Variants in NPIPB4 observed in about 807,000 individuals in gnomAD.
The protein encoded by NPIPB4 is nuclear pore complex-interacting protein family member B4.
For synonymous variants in NPIPB4, 31 were observed against 194.1 expected, an observed-to-expected ratio of 0.16 and a Z score of 6.99; for missense variants, 105 against 513.7, an observed-to-expected ratio of 0.20 and a Z score of 7.69.
chr16:21,851,241 G>C (rs1450469687), intron 2 of NPIPB4: 1 of 197,844 alleles, frequency 5.1e-6, no homozygotes, highest in Non-Finnish European at 8.6e-6. Flanking sequence ...ACGGGGACCG[G>C]GGCCGGATCT....
At chr16:21,850,359 G>T (rs1457196566) in intron 2 of NPIPB4, among the ~76,000 whole-genome samples, 2 of 149,610 alleles carry the variant, frequency 1.3e-5, no homozygotes, top group East Asian at 4.0e-4. Context: ...TACACTTAAG[G>T]TTATATATTT....
chr16:21,836,518 G>C lies in NPIPB4; in HGVS notation c.1869C>G (p.Phe623Leu), dbSNP rs1434290772. ...SADDNIKTPA[F>L]HPQRMIISRH... ...TTGAGATTATCATCCGCTGAGGGTG[G>C]AAGGCAGGTGTCTTGATGTTATCAT... Residue 623 changes from phenylalanine (F) to leucine (L), a missense_variant, in exon 8 of 8, where the codon TTC (phenylalanine) becomes TTG (leucine). Coordinates refer to ENST00000682606, the MANE Select transcript of NPIPB4 (RefSeq NM_001384980.1). 18 of 1,524,000 alleles carry C rather than the reference G, an allele frequency of 1.2e-5. No homozygotes were observed. The highest frequency in any genetic ancestry group is 1.9e-5 in the Admixed American group (1 of 51,840). The allele number at this position is 1,524,000 out of a possible 1,614,324, so 94.4% of individuals were successfully genotyped here.
chr16:21,836,326 C>G lies in NPIPB4; in HGVS notation c.2061G>C (p.Gln687His). The G allele has an allele frequency of 2.0e-6, 1 of 500,418 alleles. No homozygotes were observed. Among genetic ancestry groups the G allele is most frequent in the Non-Finnish European group, 3.4e-6 (1 of 292,038 alleles). The allele number at this position is 500,418 out of a possible 1,614,324, so 31.0% of individuals were successfully genotyped here. A position where few individuals can be genotyped will look rare whatever the true frequency, so the allele number is the denominator to read the frequency against. Residue 687 changes from glutamine (Q) to histidine (H), a missense_variant, in exon 8 of 8, where the codon CAG (glutamine) becomes CAC (histidine). Transcript: ENST00000682606. ...ATATTATCATCTGCTGAGGGTGGAG[C>G]TGAGGGTGGAAGGGGAGTGAGCTGA... The part of the protein sequence containing the change: ...PSVSSLPFHP[Q>H]LHPQQMIISR...
chr16:21,849,084 TAA>T (rs1327191912), intron 2 of NPIPB4, among the ~76,000 whole-genome samples: 2 of 33,542 alleles, frequency 6.0e-5, no homozygotes, highest in East Asian at 1.1e-3. Context: ...TCAGCATAAG[TAA>T]AAAAAAAAAA....
At chr16:21,846,156 CAGA>C (rs1401594802) in intron 3 of NPIPB4, among the ~76,000 whole-genome samples, 1 of 109,934 alleles carries the variant, frequency 9.1e-6, no homozygotes, top group Non-Finnish European at 1.8e-5. Flanking sequence ...GCCTGGGCAA[CAGA>C]AGGAGACTCG....
chr16:21,836,596 T>A lies in NPIPB4; in HGVS notation c.1791A>T (p.Thr597=). Residue 597 remains threonine (T), a synonymous_variant, in exon 8 of 8, where the codon ACA becomes ACT. Coordinates refer to ENST00000682606, the MANE Select transcript of NPIPB4 (RefSeq NM_001384980.1). ...GGGGAGTGAGCTGACGCTCGGAAGG[T>A]GTCTTGAGATTATCATCCGCTGAGG... ...LPPSADDNLK[T]PSERQLTPLP... The A allele has an allele frequency of 4.2e-6, 2 of 475,890 alleles. No homozygotes were observed. The highest frequency in any genetic ancestry group is 6.9e-6 in the Non-Finnish European group (2 of 290,118). The allele number at this position is 475,890 out of a possible 1,614,324, so 29.5% of individuals were successfully genotyped here. A position where few individuals can be genotyped will look rare whatever the true frequency, so the allele number is the denominator to read the frequency against.
At chr16:21,842,824 TA>T (rs1204580494) in intron 5 of NPIPB4, among the ~76,000 whole-genome samples, 1 of 45,288 alleles carries the variant, frequency 2.2e-5, no homozygotes, top group African/African-American at 8.4e-5. Flanking sequence ...ATCGCAAAAT[TA>T]AAAAAAAAAA....
chr16:21,850,441 G>C (rs1902409139), intron 2 of NPIPB4, among the ~76,000 whole-genome samples: 1 of 152,100 alleles, frequency 6.6e-6, no homozygotes, highest in Non-Finnish European at 1.5e-5. Flanking sequence ...ACGAGGTCAA[G>C]AGATGGAGAC....
chr16:21,835,907 C>T lies in NPIPB4; in HGVS notation c.2480G>A (p.Ser827Asn). 7 of 1,233,984 alleles carry T rather than the reference C, an allele frequency of 5.7e-6. 1 individual carries two copies. The Middle Eastern group carries it at 8.2e-4, about 145-fold the overall frequency. The allele number at this position is 1,233,984 out of a possible 1,614,324, so 76.4% of individuals were successfully genotyped here. ...CCCCCGCAGACGCTCCCCGCAGACG[C>T]TCGGCAGGTGTCTTGATATTATCAT... ...QQMIISRHLP[S>N]VCGERLRGPL... Residue 827 changes from serine (S) to asparagine (N), a missense_variant, in exon 8 of 8, where the codon AGC becomes AAC. Coordinates refer to ENST00000682606, the MANE Select transcript of NPIPB4 (RefSeq NM_001384980.1).
intron 2 of NPIPB4, among the ~76,000 whole-genome samples, chr16:21,850,544 G>A (rs929605618): frequency 2.7e-5 from 4 of 150,480 alleles, no homozygotes; most frequent in South Asian, 2.1e-4. Context: ...AATTAGCCAG[G>A]CGTTGTAATC....
At chr16:21,849,401 C>CTT (rs1902295166) in intron 2 of NPIPB4, among the ~76,000 whole-genome samples, 2 of 103,346 alleles carry the variant, frequency 1.9e-5, no homozygotes, top group African/African-American at 7.5e-5. Flanking sequence ...GAGCCGAGAT[C>CTT]GCACCACTGC....
At chr16:21,850,378 C>T (rs1449492156) in intron 2 of NPIPB4, among the ~76,000 whole-genome samples, 7 of 150,746 alleles carry the variant, frequency 4.6e-5, no homozygotes, top group East Asian at 2.0e-4. Context: ...TTTGGCCAGG[C>T]GCGGTGGCTC....
At position 21,834,609 on chromosome 16, in the gene NPIPB4, AT is replaced by A. The variant is rs1901400469; in HGVS notation, c.*108del. On this transcript the variant is annotated 3_prime_UTR_variant, in exon 8 of 8. Transcript: ENST00000682606. ...TATTTTATTTTTATATTATTTATTTATTCTTTGTTAGTTTTTGGAGTGTGGG... is the reference window on the plus strand; with the variant it reads ...TATTTTATTTTTATATTATTTATTTATCTTTGTTAGTTTTTGGAGTGTGGG... The A allele has an allele frequency of 8.7e-6, 1 of 114,484 alleles. No individual in the cohort carries two copies. Among genetic ancestry groups the A allele is most frequent in the African/African-American group, 3.4e-5 (1 of 29,284 alleles). The allele number at this position is 114,484 out of a possible 1,614,324, so 7.1% of individuals were successfully genotyped here.
rs1315216832 is a variant in NPIPB4 at position 21,840,683 on chromosome 16, T to A, written c.546-1373A>T. The A allele has an allele frequency of 6.5e-6, 3 of 461,208 alleles. 1 individual carries two copies. The South Asian group carries it at 2.4e-4, about 36-fold the overall frequency. 28.6% of individuals were successfully genotyped at this position (461,208 alleles called of 1,614,324 possible). ...CTTCATAGTTCCATAGTTAGTCCTA[T>A]TCTTTAGTAAATATAAAGACTATTA... On this transcript the variant is annotated intron_variant, in intron 5 of 7. Transcript: ENST00000682606.
chr16:21,850,732 A>G (rs1231360857), intron 2 of NPIPB4, among the ~76,000 whole-genome samples: 1 of 101,122 alleles, frequency 9.9e-6, no homozygotes, highest in Non-Finnish European at 1.9e-5. Flanking sequence ...ATGACATTTC[A>G]CTTTGTTTTG....
At chr16:21,851,286 G>A (rs1902501673) in intron 2 of NPIPB4, 4 of 217,414 alleles carry the variant, frequency 1.8e-5, no homozygotes, top group Middle Eastern at 1.6e-3. Context: ...GAGGGGGAGG[G>A]GAGGGGGAGG....
chr16:21,840,259 A>G (rs1901651066), intron 5 of NPIPB4, among the ~76,000 whole-genome samples: 1 of 45,500 alleles, frequency 2.2e-5, no homozygotes, highest in African/African-American at 6.9e-5. Flanking sequence ...TAAATACTGT[A>G]CAAAGGTTAA....
chr16:21,850,160 C>T (rs1902370830), intron 2 of NPIPB4, among the ~76,000 whole-genome samples: 2 of 131,618 alleles, frequency 1.5e-5, no homozygotes, highest in East Asian at 4.3e-4. Flanking sequence ...ACTCGGGAGG[C>T]TGAGGCAGGA....
intron 2 of NPIPB4, among the ~76,000 whole-genome samples, chr16:21,850,238 G>A (rs1425934780): frequency 1.4e-5 from 2 of 144,002 alleles, no homozygotes; most frequent in Admixed American, 7.0e-5. Flanking sequence ...TCCAGCCTGG[G>A]CAACAAGGGA....
Sources: gnomAD v4.1 joint callset for allele counts (sites outside exome capture counted in the v4.1 genomes callset) on GRCh38, gnomAD v4.1.1 for gene constraint, MANE v1.5 for transcripts, NCBI Gene and HGNC (gene_info 2026-07-23, HGNC 2026-07-21) for gene names.